CDH13: variants seen among roughly 807,000 people sequenced by gnomAD.
The protein encoded by CDH13 is cadherin 13.
Under a neutral mutation model 63.8 loss-of-function variants are expected in CDH13, and 24 were observed. That is an observed-to-expected ratio of 0.38 (90% CI 0.27 to 0.53). The LOEUF is 0.53. Among genes scored for constraint, CDH13 ranks in the 20% least tolerant of loss-of-function variants. The probability of loss-of-function intolerance (pLI) is 0.85; values close to 1 mark genes in which losing one functional copy is unlikely to be tolerated. For missense variants in CDH13, 1,049 were observed against 903.1 expected (o/e 1.16, Z -2.07); for synonymous variants, 503 against 355.3 (o/e 1.42, Z -4.67).
At chr16:82,937,311 A>G (rs2042699892) in intron 2 of CDH13, among the ~76,000 whole-genome samples, 1 of 151,736 alleles carries the variant, frequency 6.6e-6, no homozygotes, top group Admixed American at 6.6e-5. Flanking sequence ...CTTTGTTGCT[A>G]TTTTACTTTT....
intron 1 of CDH13, among the ~76,000 whole-genome samples, chr16:82,827,861 C>T (rs1169520284): frequency 1.3e-5 from 2 of 152,030 alleles, no homozygotes; most frequent in Non-Finnish European, 2.9e-5. Context: ...TGACACGGAG[C>T]CAGAAGTGCC....
intron 5 of CDH13, among the ~76,000 whole-genome samples, chr16:83,303,938 C>T (rs74031992): frequency 0.01 from 1,555 of 152,182 alleles, 22 homozygotes; most frequent in African/African-American, 0.036. Flanking sequence ...GGAAGGTTTT[C>T]CCAGGGGATC....
chr16:83,543,691 G>A (rs1392097918), intron 7 of CDH13, among the ~76,000 whole-genome samples: 3 of 152,206 alleles, frequency 2.0e-5, no homozygotes, highest in African/African-American at 7.2e-5. Flanking sequence ...TGTCGTGAGA[G>A]CAGAGTGTAT....
At chr16:83,147,085 C>CT (rs1457719292) in intron 4 of CDH13, among the ~76,000 whole-genome samples, 1 of 151,810 alleles carries the variant, frequency 6.6e-6, no homozygotes, top group Non-Finnish European at 1.5e-5. Context: ...GAGACTCCAT[C>CT]TTAAAAAAAA....
At chr16:83,625,723 C>G (rs1038257348) in intron 8 of CDH13, among the ~76,000 whole-genome samples, 1 of 152,194 alleles carries the variant, frequency 6.6e-6, no homozygotes, top group Non-Finnish European at 1.5e-5. Context: ...GCTTGGTGGT[C>G]CCTAGCTCAA....
At chr16:83,587,524 GCCTGA>G (rs1460996731) in intron 7 of CDH13, among the ~76,000 whole-genome samples, 1 of 152,088 alleles carries the variant, frequency 6.6e-6, no homozygotes, top group Non-Finnish European at 1.5e-5. Context: ...GCAATTTTTA[GCCTGA>G]CCTTAAAAGC....
At chr16:83,430,403 C>T (rs1408045885) in intron 6 of CDH13, among the ~76,000 whole-genome samples, 1 of 152,158 alleles carries the variant, frequency 6.6e-6, no homozygotes, top group African/African-American at 2.4e-5. Context: ...AAATGAAAAA[C>T]CTGATTTCTT....
At chr16:82,954,557 G>A (rs973986480) in intron 2 of CDH13, 1 of 152,002 alleles carries the variant, frequency 6.6e-6, no homozygotes, top group African/African-American at 2.4e-5. Context: ...GTGTCTGAAG[G>A]CTACCAATGT....
At chr16:82,830,377 C>T (rs1351594335) in intron 1 of CDH13, among the ~76,000 whole-genome samples, 1 of 152,228 alleles carries the variant, frequency 6.6e-6, no homozygotes, top group African/African-American at 2.4e-5. Flanking sequence ...AGTTGAGCAT[C>T]TTTTCTCTCC....
rs114581409 is a variant in CDH13 at position 82,941,012 on chromosome 16, A to G, written c.157+82539A>G. Among the ~76,000 whole-genome samples the G allele has an allele frequency of 3.5e-3, 530 of 152,254 alleles. 3 individuals are homozygous for G. The highest frequency in any genetic ancestry group is 0.01 in the African/African-American group (417 of 41,544). Reference sequence around the variant, plus strand: ...TTTGGGCTGAAATGTTGCTTTGTAGATGGACAATACAACAAGCATATGACG... The same window carrying G: ...TTTGGGCTGAAATGTTGCTTTGTAGGTGGACAATACAACAAGCATATGACG... On this transcript the variant is annotated intron_variant, in intron 2 of 13. Transcript: ENST00000567109.
intron 2 of CDH13, among the ~76,000 whole-genome samples, chr16:82,913,742 G>A (rs1457543400): frequency 1.3e-5 from 2 of 151,988 alleles, no homozygotes; most frequent in Non-Finnish European, 2.9e-5. Context: ...ATCCTCAACA[G>A]CCGTTCCAAG....
intron 1 of CDH13, among the ~76,000 whole-genome samples, chr16:82,707,503 G>C (rs1375225075): frequency 6.6e-6 from 1 of 152,128 alleles, no homozygotes. Flanking sequence ...CTTATTCACA[G>C]GCAAAATATT....
At chr16:83,310,466 C>T (rs902862008) in intron 5 of CDH13, among the ~76,000 whole-genome samples, 1 of 152,100 alleles carries the variant, frequency 6.6e-6, no homozygotes, top group South Asian at 2.1e-4. Context: ...TACACACATA[C>T]GTACAGAGAG....
At chr16:82,849,153 G>A (rs1401817620) in intron 1 of CDH13, among the ~76,000 whole-genome samples, 1 of 152,210 alleles carries the variant, frequency 6.6e-6, no homozygotes, top group Non-Finnish European at 1.5e-5. Context: ...AAAGTTGGAA[G>A]CTAGCAGAGG....
intron 8 of CDH13, among the ~76,000 whole-genome samples, chr16:83,635,422 C>T (rs1245790079): frequency 7.3e-6 from 1 of 136,890 alleles, no homozygotes; most frequent in African/African-American, 2.7e-5. Context: ...CGGCTCACCA[C>T]AACCTCCGCT....
intron 6 of CDH13, among the ~76,000 whole-genome samples, chr16:83,388,175 T>C (rs1457775658): frequency 3.3e-5 from 5 of 151,600 alleles, no homozygotes; most frequent in African/African-American, 9.7e-5. Context: ...ATTTCTGGGC[T>C]AGGCATGGTG....
intron 2 of CDH13, among the ~76,000 whole-genome samples, chr16:82,911,859 A>G (rs904522806): frequency 2.0e-5 from 3 of 151,866 alleles, no homozygotes; most frequent in Non-Finnish European, 4.4e-5. Context: ...TTTTGAGCTG[A>G]GGGCACCTGC....
intron 1 of CDH13, among the ~76,000 whole-genome samples, chr16:82,775,323 T>C (rs946896900): frequency 6.6e-6 from 1 of 152,198 alleles, no homozygotes; most frequent in Non-Finnish European, 1.5e-5. Flanking sequence ...AACCATTGTT[T>C]TGAATAGTCA....
At chr16:83,308,526 A>G (rs2089930013) in intron 5 of CDH13, among the ~76,000 whole-genome samples, 1 of 152,232 alleles carries the variant, frequency 6.6e-6, no homozygotes, top group African/African-American at 2.4e-5. Flanking sequence ...GTATAAGGCA[A>G]ATGGCAACAA....
Sources: allele counts gnomAD v4.1 joint callset (sites outside exome capture counted in the v4.1 genomes callset), GRCh38; gene constraint gnomAD v4.1.1; transcripts MANE v1.5; gene names NCBI Gene and HGNC (gene_info 2026-07-23, HGNC 2026-07-21).